The following GPC6 variants were observed in gnomAD, a reference collection of about 807,000 sequenced individuals.
GPC6 encodes the protein glypican-6.
Under a neutral mutation model 55.2 loss-of-function variants are expected in GPC6, and 14 were observed. The observed-to-expected ratio is 0.25, with a 90% CI of 0.17 to 0.40. The LOEUF is 0.40. Ranked by LOEUF, GPC6 falls within the 10% of genes least tolerant of loss-of-function variation. The pLI is 1.00. For missense variants in GPC6, 641 were observed against 708.5 expected, an observed-to-expected ratio of 0.90 and a Z score of 1.08; for synonymous variants, 278 against 259.6, an observed-to-expected ratio of 1.07 and a Z score of -0.68.
At chr13:94,318,646 C>CA (rs1315339277) in intron 6 of GPC6, among the ~76,000 whole-genome samples, 1 of 152,066 alleles carries the variant, frequency 6.6e-6, no homozygotes, top group Non-Finnish European at 1.5e-5. Context: ...TAGAATTGTC[C>CA]ATTTAATATT....
In GPC6 at chr13:94,394,795, C is replaced by T. The variant is rs375238875; in HGVS notation, c.1290-3671C>T. On this transcript the variant is annotated intron_variant, in intron 7 of 8. Transcript: ENST00000377047. ...GAAAAGGCTCTTGAGGATACGGATG[C>T]GCTGTTACTTGTTTTTATTGTAAGC... Among the ~76,000 whole-genome samples the T allele has an allele frequency of 3.5e-4, 54 of 152,270 alleles. 1 individual carries two copies. Among genetic ancestry groups the T allele is most frequent in the Admixed American group, 5.9e-4 (9 of 15,284 alleles).
chr13:93,482,407 G>T (rs1594201655), intron 1 of GPC6, among the ~76,000 whole-genome samples: 1 of 152,068 alleles, frequency 6.6e-6, no homozygotes. Flanking sequence ...TTAAAAACAA[G>T]AATTAATTCA....
At chr13:94,352,443 C>T (rs989932336) in intron 6 of GPC6, among the ~76,000 whole-genome samples, 9 of 152,278 alleles carry the variant, frequency 5.9e-5, no homozygotes, top group African/African-American at 2.2e-4. Context: ...CTCCAGTTAA[C>T]CTTGGCCATT....
chr13:93,699,831 C>T (rs1882606279), intron 2 of GPC6, among the ~76,000 whole-genome samples: 1 of 152,016 alleles, frequency 6.6e-6, no homozygotes, highest in Non-Finnish European at 1.5e-5. Flanking sequence ...ATACCTATCA[C>T]ACTCTTTTTT....
chr13:93,672,387 A>G (rs1415860440), intron 2 of GPC6, among the ~76,000 whole-genome samples: 1 of 152,040 alleles, frequency 6.6e-6, no homozygotes, highest in Non-Finnish European at 1.5e-5. Flanking sequence ...CACGGATATT[A>G]GTTATCTTGC....
chr13:93,892,957 A>T (rs1220471006), intron 3 of GPC6, among the ~76,000 whole-genome samples: 1 of 148,902 alleles, frequency 6.7e-6, no homozygotes, highest in African/African-American at 2.4e-5. Flanking sequence ...AAGTATAAAT[A>T]TCAAAAATAT....
At chr13:94,209,984 A>G (rs1208330237) in intron 4 of GPC6, among the ~76,000 whole-genome samples, 1 of 151,958 alleles carries the variant, frequency 6.6e-6, no homozygotes, top group African/African-American at 2.4e-5. Context: ...AGTAGCTGGG[A>G]CCACAGGCAC....
At chr13:93,988,515 A>G (rs1881136229) in intron 3 of GPC6, among the ~76,000 whole-genome samples, 1 of 152,232 alleles carries the variant, frequency 6.6e-6, no homozygotes, top group African/African-American at 2.4e-5. Flanking sequence ...CTAAACAGCT[A>G]GGAGGCTGGG....
At chr13:93,673,311 C>T (rs1368108170) in intron 2 of GPC6, among the ~76,000 whole-genome samples, 6 of 152,146 alleles carry the variant, frequency 3.9e-5, no homozygotes, top group Non-Finnish European at 5.9e-5. Context: ...TTATTTATTT[C>T]ATGAATGTAT....
At chr13:93,265,644 C>T (rs1417121328) in intron 1 of GPC6, among the ~76,000 whole-genome samples, 1 of 152,108 alleles carries the variant, frequency 6.6e-6, no homozygotes, top group East Asian at 1.9e-4. Context: ...CTTCTGGTCC[C>T]AAGCATTTCA....
chr13:93,615,902 G>A (rs555322369), intron 2 of GPC6, among the ~76,000 whole-genome samples: 4 of 152,232 alleles, frequency 2.6e-5, no homozygotes, highest in South Asian at 2.1e-4. Context: ...AATGTGTAGT[G>A]CCTGGCACAT....
At chr13:93,536,297 G>A (rs1044894594) in intron 1 of GPC6, among the ~76,000 whole-genome samples, 1 of 152,076 alleles carries the variant, frequency 6.6e-6, no homozygotes, top group Non-Finnish European at 1.5e-5. Flanking sequence ...GGCATCAAGT[G>A]CATTCGTATT....
rs760679135 is a variant in GPC6, at chr13:93,741,146, C to T, written c.320-89008C>T. Among the ~76,000 whole-genome samples, 164 of 90,632 alleles carry T rather than the reference C, an allele frequency of 1.8e-3. 1 individual carries two copies. The highest frequency in any genetic ancestry group is 2.5e-3 in the Non-Finnish European group (122 of 49,068). 59.5% of individuals were successfully genotyped at this position (90,632 alleles called of 152,430 possible). A position where few individuals can be genotyped will look rare whatever the true frequency, so the allele number is the denominator to read the frequency against. ...TTTTTTTTTTTTTTTTTTTTTGAGA[C>T]GAAATCTCCCTCTGTCGCCCAGGTT... On this transcript the variant is annotated intron_variant, in intron 2 of 8. Transcript: ENST00000377047.
chr13:93,844,720 A>G (rs1411392104), intron 3 of GPC6, among the ~76,000 whole-genome samples: 1 of 145,234 alleles, frequency 6.9e-6, no homozygotes, highest in Non-Finnish European at 1.5e-5. Flanking sequence ...GTCCTTGCCC[A>G]CGCCTATGTC....
chr13:93,279,437 A>G (rs1358764661), intron 1 of GPC6, among the ~76,000 whole-genome samples: 1 of 152,242 alleles, frequency 6.6e-6, no homozygotes, highest in East Asian at 1.9e-4. Flanking sequence ...TGCCATTTGC[A>G]TATGAAAGAT....
At chr13:94,161,802 A>T (rs1166582461) in intron 4 of GPC6, among the ~76,000 whole-genome samples, 1 of 152,146 alleles carries the variant, frequency 6.6e-6, no homozygotes, top group Non-Finnish European at 1.5e-5. Context: ...ATAAACGCAT[A>T]CCTGAGACTG....
chr13:94,281,055 C>A (rs1055448044), intron 4 of GPC6, among the ~76,000 whole-genome samples: 57 of 152,068 alleles, frequency 3.7e-4, no homozygotes, highest in African/African-American at 1.4e-3. Flanking sequence ...AGCTTCTGTG[C>A]CCCTACAAAT....
chr13:93,664,727 C>T (rs898249809), intron 2 of GPC6, among the ~76,000 whole-genome samples: 2 of 152,142 alleles, frequency 1.3e-5, no homozygotes, highest in Non-Finnish European at 2.9e-5. Flanking sequence ...AAGCAATTCT[C>T]CTGCCTCAGC....
chr13:93,342,983 A>G (rs1377563332), intron 1 of GPC6, among the ~76,000 whole-genome samples: 4 of 152,178 alleles, frequency 2.6e-5, no homozygotes, highest in Non-Finnish European at 4.4e-5. Flanking sequence ...CCTATCCCAA[A>G]TGTAGACACA....
Sources: gnomAD v4.1 joint callset for allele counts (sites outside exome capture counted in the v4.1 genomes callset) on GRCh38, gnomAD v4.1.1 for gene constraint, MANE v1.5 for transcripts, NCBI Gene and HGNC (gene_info 2026-07-23, HGNC 2026-07-21) for gene names.